TBC1D5: variants seen among roughly 807,000 people sequenced by gnomAD.
TBC1D5 encodes the protein TBC1 domain family member 5, also known as TBC1 domain family, member 5.
A neutral mutation model predicts 100.3 loss-of-function variants in TBC1D5; 75 were observed. The observed-to-expected ratio is 0.75, with a 90% CI of 0.62 to 0.91. The LOEUF (loss-of-function observed/expected upper bound fraction) is 0.91, where lower values mean the gene tolerates loss of function less well. Among genes scored for constraint, TBC1D5 ranks in the 40% least tolerant of loss-of-function variants. The pLI is 0.00. For missense variants in TBC1D5, 910 were observed against 942.4 expected, an observed-to-expected ratio of 0.97 and a Z score of 0.45; for synonymous variants, 323 against 325.6, an observed-to-expected ratio of 0.99 and a Z score of 0.09.
chr3:17,262,645 C>G (rs2078428529), intron 15 of TBC1D5, among the ~76,000 whole-genome samples: 1 of 151,830 alleles, frequency 6.6e-6, no homozygotes, highest in Non-Finnish European at 1.5e-5. Context: ...CTACGCCCAG[C>G]TAATTTTTTG....
intron 1 of TBC1D5, among the ~76,000 whole-genome samples, chr3:17,695,304 A>G (rs2071852308): frequency 6.6e-6 from 1 of 152,206 alleles, no homozygotes; most frequent in Admixed American, 6.5e-5. Context: ...GGACTGGCAA[A>G]TTGGATAAAG....
intron 8 of TBC1D5, among the ~76,000 whole-genome samples, chr3:17,390,050 C>T (rs2093304564): frequency 6.6e-6 from 1 of 152,064 alleles, no homozygotes; most frequent in African/African-American, 2.4e-5. Context: ...TGGATACTTA[C>T]TGCAGACATT....
At chr3:17,646,002 C>T (rs1412357979) in intron 1 of TBC1D5, among the ~76,000 whole-genome samples, 1 of 152,082 alleles carries the variant, frequency 6.6e-6, no homozygotes, top group Non-Finnish European at 1.5e-5. Context: ...GTTCTAATCC[C>T]TAGTGTCACA....
At chr3:17,546,595 C>A (rs1269611915) in intron 2 of TBC1D5, among the ~76,000 whole-genome samples, 1 of 151,192 alleles carries the variant, frequency 6.6e-6, no homozygotes, top group Non-Finnish European at 1.5e-5. Flanking sequence ...GAGACCCCGT[C>A]TCTACTAAAA....
rs568249775 is a variant in TBC1D5 at position 17,256,985 on chromosome 3, T to C, written c.1331+1521A>G. Among the ~76,000 whole-genome samples the C allele has an allele frequency of 9.9e-5, 15 of 152,172 alleles. No homozygotes were observed. In the East Asian group the frequency reaches 2.9e-3, roughly 29 times the overall value. Reference sequence around the variant, plus strand: ...AAGGGCAAATAACAGAGAAGGCTGATGTGGCTGTAGCATGAGAATGAAGAG... The same window carrying C: ...AAGGGCAAATAACAGAGAAGGCTGACGTGGCTGTAGCATGAGAATGAAGAG... On this transcript the variant is annotated intron_variant, in intron 16 of 21. Coordinates refer to ENST00000253692, the Ensembl canonical transcript of TBC1D5.
chr3:17,706,422 TACACACAC>T (rs34977117), intron 1 of TBC1D5, among the ~76,000 whole-genome samples: 2 of 151,304 alleles, frequency 1.3e-5, no homozygotes, highest in African/African-American at 4.9e-5. Flanking sequence ...CAACTTTACT[TACACACAC>T]ACACACACAC....
At chr3:17,312,183 T>C (rs1001425419) in intron 13 of TBC1D5, among the ~76,000 whole-genome samples, 3 of 152,106 alleles carry the variant, frequency 2.0e-5, no homozygotes, top group African/African-American at 4.8e-5. Flanking sequence ...GAATTCATTA[T>C]ACTTAGGGTC....
At chr3:17,276,418 C>A (rs1414683215) in intron 15 of TBC1D5, among the ~76,000 whole-genome samples, 1 of 152,156 alleles carries the variant, frequency 6.6e-6, no homozygotes, top group Non-Finnish European at 1.5e-5. Context: ...ATGGGATCAA[C>A]ATGGGGGCAT....
intron 1 of TBC1D5, among the ~76,000 whole-genome samples, chr3:17,656,859 T>A (rs568054063): frequency 6.6e-6 from 1 of 152,120 alleles, no homozygotes; most frequent in African/African-American, 2.4e-5. Context: ...CGCATTCGAA[T>A]GGAATAGTTC....
intron 2 of TBC1D5, among the ~76,000 whole-genome samples, chr3:17,595,816 T>C (rs1455569391): frequency 6.6e-6 from 1 of 152,138 alleles, no homozygotes; most frequent in Non-Finnish European, 1.5e-5. Flanking sequence ...AAATCAATCT[T>C]AGTTACAATC....
At chr3:17,738,286 TG>T in intron 1 of TBC1D5, among the ~76,000 whole-genome samples, 1 of 152,338 alleles carries the variant, frequency 6.6e-6, no homozygotes, top group Non-Finnish European at 1.5e-5. Context: ...TAGTCAGTCT[TG>T]ATTATATAGA....
intron 17 of TBC1D5, 41 bp from the exon 18 acceptor site, chr3:17,233,791 G>T: frequency 7.6e-7 from 1 of 1,312,852 alleles, no homozygotes; most frequent in Non-Finnish European, 1.1e-6. Flanking sequence ...TCATAAAAAG[G>T]AAATAATCAA....
chr3:17,493,588 C>T (rs1371534157), intron 3 of TBC1D5, among the ~76,000 whole-genome samples: 1 of 152,168 alleles, frequency 6.6e-6, no homozygotes, highest in Non-Finnish European at 1.5e-5. Flanking sequence ...GGTCTTTTTA[C>T]ATAACCCCAT....
intron 2 of TBC1D5, among the ~76,000 whole-genome samples, chr3:17,569,267 C>A (rs1396263592): frequency 6.6e-6 from 1 of 151,792 alleles, no homozygotes; most frequent in Non-Finnish European, 1.5e-5. Context: ...TGGTTCTTTT[C>A]TAATATTAAA....
intron 16 of TBC1D5, among the ~76,000 whole-genome samples, chr3:17,240,480 C>T (rs2076218731): frequency 2.0e-5 from 3 of 151,954 alleles, no homozygotes; most frequent in Admixed American, 1.3e-4. Context: ...TAGGTGCTTC[C>T]TAGTGAAGTA....
intron 15 of TBC1D5, among the ~76,000 whole-genome samples, chr3:17,260,155 AT>A (rs911319450): frequency 2.6e-5 from 4 of 152,194 alleles, no homozygotes; most frequent in African/African-American, 9.6e-5. Flanking sequence ...TTCATGATGT[AT>A]TTTAAAAATT....
intron 3 of TBC1D5, among the ~76,000 whole-genome samples, chr3:17,445,373 C>A (rs558737396): frequency 6.6e-6 from 1 of 151,852 alleles, no homozygotes; most frequent in South Asian, 2.1e-4. Flanking sequence ...AAAGTCCCGT[C>A]TGCCATAGAC....
At chr3:17,655,076 G>A (rs1454204383) in intron 1 of TBC1D5, among the ~76,000 whole-genome samples, 6 of 151,268 alleles carry the variant, frequency 4.0e-5, no homozygotes, top group Non-Finnish European at 5.9e-5. Context: ...TCTTGCTAGC[G>A]GTCTATCAAT....
At chr3:17,718,416 T>G (rs1167313184) in intron 1 of TBC1D5, among the ~76,000 whole-genome samples, 1 of 152,008 alleles carries the variant, frequency 6.6e-6, no homozygotes, top group Non-Finnish European at 1.5e-5. Flanking sequence ...GCTAACATGG[T>G]GAAACCCCGT....
Sources: allele counts gnomAD v4.1 joint callset (sites outside exome capture counted in the v4.1 genomes callset), GRCh38; gene constraint gnomAD v4.1.1; transcripts MANE v1.5; gene names NCBI Gene and HGNC (gene_info 2026-07-23, HGNC 2026-07-21).